The following C16orf96 variants were observed in gnomAD, a reference collection of about 807,000 sequenced individuals.
C16orf96 encodes chromosome 16 open reading frame 96.
In C16orf96, 108 loss-of-function variants were observed where a neutral mutation model predicts 103.6. The observed-to-expected ratio is 1.04, with a 90% CI of 0.89 to 1.22. C16orf96 has a LOEUF of 1.22. C16orf96 is among the 50% of genes most tolerant of loss of function. C16orf96 has a pLI of 0.00. For synonymous variants in C16orf96, 566 were observed against 593.5 expected (o/e 0.95, Z 0.67); for missense variants, 1,586 against 1,464.2 (o/e 1.08, Z -1.36).
intron 9 of C16orf96, among the ~76,000 whole-genome samples, chr16:4,589,106 A>G (rs1292853370): frequency 1.3e-5 from 2 of 151,856 alleles, no homozygotes; most frequent in Non-Finnish European, 1.5e-5. Context: ...CTCCTCCTCC[A>G]CCCCACATCC....
intron 9 of C16orf96, among the ~76,000 whole-genome samples, chr16:4,589,341 G>A (rs905197150): frequency 1.3e-5 from 2 of 151,790 alleles, no homozygotes; most frequent in African/African-American, 4.8e-5. Context: ...TACTTTGGGA[G>A]GCCAAAGCAG....
At chr16:4,588,572 T>G (rs1896983515) in intron 9 of C16orf96, among the ~76,000 whole-genome samples, 1 of 152,170 alleles carries the variant, frequency 6.6e-6, no homozygotes, top group African/African-American at 2.4e-5. Context: ...CTCACATGGC[T>G]GTTGGTAACA....
At chr16:4,544,844 G>T in the C16orf96 span, among the ~76,000 whole-genome samples, 4 of 152,066 alleles carry the variant, frequency 2.6e-5, no homozygotes, top group African/African-American at 9.7e-5. Flanking sequence ...ACTTGCTGTT[G>T]ACGGGAACTG....
chr16:4,572,306 C>T (rs200979090), intron 2 of C16orf96, among the ~76,000 whole-genome samples: 11 of 131,680 alleles, frequency 8.4e-5, no homozygotes, highest in Admixed American at 2.6e-4. Flanking sequence ...ACTTATATTT[C>T]TTTTTTTTTT....
chr16:4,546,421 G>A, the C16orf96 span, among the ~76,000 whole-genome samples: 1 of 150,286 alleles, frequency 6.7e-6, no homozygotes, highest in African/African-American at 2.5e-5. Context: ...GCCTCCCAGA[G>A]TGCTGCGATT....
Position 4,576,468 on chromosome 16 carries a change from T to C in C16orf96, c.1988T>C (p.Leu663Pro). Residue 663 changes from leucine to proline, a missense_variant, in exon 5 of 16, where the codon CTG (leucine) becomes CCG (proline). By Grantham distance (98) the Leu-to-Pro change is moderately conservative (BLOSUM62 -3). Transcript: ENST00000444310. ...SAASIGPDPA[L>P]SQAMVATKQA... ...GCCAGCATCGGTCCCGATCCAGCCC[T>C]GTCCCAGGCCATGGTGGCTACCAAG... is the stretch of plus-strand genomic sequence containing the variant. 1 of 1,551,480 alleles carries C rather than the reference T, an allele frequency of 6.4e-7. No homozygotes were observed. The highest frequency in any genetic ancestry group is 1.2e-5 in the South Asian group (1 of 84,068).
At chr16:4,590,207 G>T (rs1897025327) in intron 9 of C16orf96, among the ~76,000 whole-genome samples, 1 of 151,964 alleles carries the variant, frequency 6.6e-6, no homozygotes, top group African/African-American at 2.4e-5. Flanking sequence ...AGGATCACTT[G>T]AGCCCAGGGG....
In C16orf96 at chr16:4,600,543, C is replaced by T; in HGVS notation, c.*226C>T. The T allele has an allele frequency of 2.3e-6, 1 of 444,286 alleles. No individual in the cohort carries two copies. The highest frequency in any genetic ancestry group is 2.2e-5 in the South Asian group (1 of 46,138). The allele number at this position is 444,286 out of a possible 1,614,324, so 27.5% of individuals were successfully genotyped here. On this transcript the variant is annotated 3_prime_UTR_variant, in exon 16 of 16. Transcript: ENST00000444310. ...CACGTCCGAGGCTGAGACCCATATG[C>T]CCCCCCCACCCCCACCAAGTCCCGT...
chr16:4,586,953 C>T, intron 7 of C16orf96, 86 bp from the exon 8 acceptor site: 7 of 1,246,642 alleles, frequency 5.6e-6, no homozygotes, highest in Non-Finnish European at 8.0e-6. Context: ...CCCTCCCCAG[C>T]ATATGGTAAT....
intron 8 of C16orf96, among the ~76,000 whole-genome samples, chr16:4,587,355 C>G (rs1310628623): frequency 6.6e-6 from 1 of 151,968 alleles, no homozygotes; most frequent in African/African-American, 2.4e-5. Context: ...TGATGAAACT[C>G]CGTCTCTAGT....
In C16orf96 at chr16:4,594,484, G is replaced by T; in HGVS notation, c.3001G>T (p.Asp1001Tyr). The T allele has an allele frequency of 5.2e-6, 8 of 1,551,428 alleles. No homozygotes were observed. The highest frequency in any genetic ancestry group is 7.0e-6 in the Non-Finnish European group (8 of 1,146,988). ...CNLLTLYPYG[D>Y]PHVIDYDSAE... ...CCTGTTGACGCTCTATCCCTACGGG[G>T]ATCCCCACGTGATCGACTATGACAG... The change falls in exon 13 of 16, where the codon GAT (aspartate) becomes TAT (tyrosine). Residue 1001 changes from aspartate (D) to tyrosine (Y), a missense_variant. Asp to Tyr is a radical substitution (Grantham distance 160). Transcript: ENST00000444310.
In C16orf96 at chr16:4,575,519, G is replaced by C; in HGVS notation, c.1039G>C (p.Val347Leu). The C allele has an allele frequency of 6.5e-7, 1 of 1,546,504 alleles. No homozygotes were observed. The change falls in exon 5 of 16, where the codon GTG (valine) becomes CTG (leucine). Residue 347 changes from valine (V) to leucine (L), a missense_variant. Val to Leu is a conservative substitution (Grantham distance 32). Transcript: ENST00000444310. ...GLELGLELEPVPALGPVPGPS... is the reference protein window; with the variant it reads ...GLELGLELEPLPALGPVPGPS... Reference sequence around the variant, plus strand: ...GGAGCTGGGGCTGGAGCTGGAGCCTGTGCCTGCCCTGGGGCCTGTCCCAGG... The same window carrying C: ...GGAGCTGGGGCTGGAGCTGGAGCCTCTGCCTGCCCTGGGGCCTGTCCCAGG...
At chr16:4,597,009 C>T (rs1897186711) in intron 14 of C16orf96, among the ~76,000 whole-genome samples, 1 of 152,198 alleles carries the variant, frequency 6.6e-6, no homozygotes, top group Non-Finnish European at 1.5e-5. Flanking sequence ...TCTCAAGATC[C>T]TTAAGCTAAT....
chr16:4,564,026 C>A (rs886979300), intron 1 of C16orf96, among the ~76,000 whole-genome samples: 4 of 150,962 alleles, frequency 2.6e-5, no homozygotes, highest in Non-Finnish European at 1.5e-5. Context: ...GGTGAAATCC[C>A]GTCTCTACTA....
the C16orf96 span, among the ~76,000 whole-genome samples, chr16:4,541,147 C>T: frequency 1.3e-5 from 2 of 151,788 alleles, no homozygotes; most frequent in Admixed American, 6.6e-5. Flanking sequence ...CTCCTCACCT[C>T]GTGATCCGCC....
chr16:4,574,949 C>G, intron 3 of C16orf96, 23 bp from the exon 4 acceptor site: 1 of 1,549,656 alleles, frequency 6.5e-7, no homozygotes, highest in Non-Finnish European at 8.7e-7. Context: ...TCACAGCCCT[C>G]ATTTTCTACC....
At chr16:4,586,417 G>A (rs760233750) in intron 7 of C16orf96, among the ~76,000 whole-genome samples, 19 of 152,348 alleles carry the variant, frequency 1.2e-4, no homozygotes, top group South Asian at 4.1e-4. Context: ...GCGTGAGCGG[G>A]ACACCCGACA....
At chr16:4,538,961 G>A in the C16orf96 span, 1 of 152,308 alleles carries the variant, frequency 6.6e-6, no homozygotes, top group Non-Finnish European at 1.5e-5. Flanking sequence ...CGAGGCTGGA[G>A]AATAGGGAAA....
At chr16:4,567,427 G>C (rs537995201) in intron 1 of C16orf96, among the ~76,000 whole-genome samples, 1 of 150,982 alleles carries the variant, frequency 6.6e-6, no homozygotes, top group African/African-American at 2.4e-5. Flanking sequence ...GGGACTACAC[G>C]TGCCCGCCAC....
Sources: allele counts gnomAD v4.1 joint callset (sites outside exome capture counted in the v4.1 genomes callset), GRCh38; gene constraint gnomAD v4.1.1; transcripts MANE v1.5; gene names NCBI Gene and HGNC (gene_info 2026-07-23, HGNC 2026-07-21).